Variants in CRMP1 observed in about 807,000 individuals in gnomAD.
CRMP1 encodes collapsin response mediator protein 1.
CRMP1 carries 19 observed loss-of-function variants against 68.3 expected under a neutral mutation model. That is an observed-to-expected ratio of 0.28 (90% CI 0.19 to 0.41). CRMP1 has a LOEUF of 0.41. Ranked by LOEUF, CRMP1 falls within the 10% of genes least tolerant of loss-of-function variation. CRMP1 has a pLI of 1.00. For synonymous variants in CRMP1, 439 were observed against 399.6 expected, an observed-to-expected ratio of 1.10 and a Z score of -1.18; for missense variants, 791 against 967.4, an observed-to-expected ratio of 0.82 and a Z score of 2.42.
intron 13 of CRMP1, chr4:5,824,159 G>A (rs1262488762): frequency 1.1e-5 from 3 of 270,706 alleles, no homozygotes; most frequent in Non-Finnish European, 1.7e-5. Context: ...ATTGTGCAGT[G>A]TTTAATTGCA....
At chr4:5,822,164 G>A (rs1349135013) in intron 13 of CRMP1, among the ~76,000 whole-genome samples, 1 of 152,232 alleles carries the variant, frequency 6.6e-6, no homozygotes, top group Non-Finnish European at 1.5e-5. Context: ...GTGTGCAGGC[G>A]CACATTTGGT....
At position 5,868,253 on chromosome 4, in the gene CRMP1, C is replaced by CTATATATCTA. The variant is rs1224248039; in HGVS notation, c.382-1507_382-1498dup. Among the ~76,000 whole-genome samples the CTATATATCTA allele has an allele frequency of 1.4e-4, 12 of 83,152 alleles. 1 individual carries two copies. The highest frequency in any genetic ancestry group is 8.5e-4 in the Admixed American group (5 of 5,864). The allele number at this position is 83,152 out of a possible 152,430, so 54.6% of individuals were successfully genotyped here. On this transcript the variant is annotated intron_variant, in intron 1 of 13. Transcript: ENST00000324989. ...CCAACTTGCCGCACATTCTTCATGA[C>CTATATATCTA]TATATATCTATATATATATATATAT...
intron 9 of CRMP1, among the ~76,000 whole-genome samples, chr4:5,837,989 A>G (rs1327692538): frequency 6.6e-6 from 1 of 152,164 alleles, no homozygotes. Context: ...AATGGGGCAC[A>G]TGGGCGCTGT....
rs956146432 is a variant in CRMP1, at chr4:5,877,225, T to C, written c.382-10469A>G. On this transcript the variant is annotated intron_variant, in intron 1 of 13. Coordinates refer to ENST00000324989, the MANE Select transcript of CRMP1 (RefSeq NM_001014809.3). This position sits in a 1 kb window ranked among gnomAD's most constrained non-coding sequence, Gnocchi z 4.3. Reference sequence around the variant, plus strand: ...TAAGCATCTACCACCCACAAACCTATTGCCATAAATAAATATTGGTTGCTG... The same window carrying C: ...TAAGCATCTACCACCCACAAACCTACTGCCATAAATAAATATTGGTTGCTG... 1.3e-5 allele frequency among the ~76,000 whole-genome samples: 2 copies of C among 152,188 alleles called. No individual in the cohort carries two copies. Among genetic ancestry groups the C allele is most frequent in the African/African-American group, 4.8e-5 (2 of 41,420 alleles).
rs370105308 is a variant in CRMP1, at chr4:5,866,651, C to T, written c.470+17G>A. On this transcript the variant is annotated intron_variant, in intron 2 of 13. Transcript: ENST00000324989. The surrounding 1 kb of genome is among the most constrained non-coding windows in gnomAD (Gnocchi z 5.9). ...GGCGACACAGGTTTCTTAAAAGGTCCGTTTTGATCAACCCACTTGATAAGT... is the reference window on the plus strand; with the variant it reads ...GGCGACACAGGTTTCTTAAAAGGTCTGTTTTGATCAACCCACTTGATAAGT... 101 of 1,599,000 alleles carry T rather than the reference C, an allele frequency of 6.3e-5. No homozygotes were observed. Among genetic ancestry groups the T allele is most frequent in the Non-Finnish European group, 7.5e-5 (88 of 1,170,770 alleles).
rs1245781331 is a variant in CRMP1, at chr4:5,859,142, A to C, written c.655+1884T>G. 1.3e-5 allele frequency among the ~76,000 whole-genome samples: 2 copies of C among 152,208 alleles called. No individual in the cohort carries two copies. The highest frequency in any genetic ancestry group is 6.5e-5 in the Admixed American group (1 of 15,294). On this transcript the variant is annotated intron_variant, in intron 3 of 13. Coordinates refer to ENST00000324989, the MANE Select transcript of CRMP1 (RefSeq NM_001014809.3). This position sits in a 1 kb window ranked among gnomAD's most constrained non-coding sequence, Gnocchi z 5.2. Reference sequence around the variant, plus strand: ...GGCAGTCCCCTTGACAACGAGCATCATTCCTGCTTTTGTTCACCTGGTACA... The same window carrying C: ...GGCAGTCCCCTTGACAACGAGCATCCTTCCTGCTTTTGTTCACCTGGTACA...
rs1715963215 is a variant in CRMP1, at chr4:5,891,797, G to A, written c.381+792C>T. 6.6e-6 allele frequency among the ~76,000 whole-genome samples: 1 copy of A among 152,194 alleles called. No individual in the cohort carries two copies. The highest frequency in any genetic ancestry group is 2.4e-5 in the African/African-American group (1 of 41,448). ...TTTCCTGGTGACCCCCAGCTCAAGA[G>A]AGAATACCCGCAGGGCCCAAGCCCT... On this transcript the variant is annotated intron_variant, in intron 1 of 13. Transcript: ENST00000324989. This position sits in a 1 kb window ranked among gnomAD's most constrained non-coding sequence, Gnocchi z 5.2.
At chr4:5,844,726 G>A (rs1712052728) in intron 6 of CRMP1, among the ~76,000 whole-genome samples, 1 of 152,222 alleles carries the variant, frequency 6.6e-6, no homozygotes, top group Non-Finnish European at 1.5e-5. Context: ...AGGAGCTGGG[G>A]GCTGCAGGCT....
In CRMP1 at chr4:5,855,818, A is replaced by C. The variant is rs564627983; in HGVS notation, c.820+325T>G. Among the ~76,000 whole-genome samples the C allele has an allele frequency of 6.6e-6, 1 of 152,348 alleles. No individual in the cohort carries two copies. Among genetic ancestry groups the C allele is most frequent in the African/African-American group, 2.4e-5 (1 of 41,580 alleles). The stretch of plus-strand genomic sequence containing the variant: ...TCCACATGAGCAAGGGCCTCACAGC[A>C]TAGCCAGTTTCAGGGATGGCAGCCA... On this transcript the variant is annotated intron_variant, in intron 4 of 13. Transcript: ENST00000324989. This position sits in a 1 kb window ranked among gnomAD's most constrained non-coding sequence, Gnocchi z 4.9.
intron 6 of CRMP1, among the ~76,000 whole-genome samples, chr4:5,845,679 T>C (rs1166838929): frequency 6.6e-6 from 1 of 152,354 alleles, no homozygotes; most frequent in African/African-American, 2.4e-5. Flanking sequence ...CTGAAGTAAT[T>C]TGTTATGCAA....
rs1277303436 is a variant in CRMP1 at position 5,856,125 on chromosome 4, T to C, written c.820+18A>G. On this transcript the variant is annotated intron_variant, in intron 4 of 13. Transcript: ENST00000324989. ...AACAAGGGATTCCCCAAAACCCCGTTCCGAGGCTTTAACTGACCTTTGTCC... is the reference window on the plus strand; with the variant it reads ...AACAAGGGATTCCCCAAAACCCCGTCCCGAGGCTTTAACTGACCTTTGTCC... 6.2e-7 allele frequency: 1 copy of C among 1,612,650 alleles called. No individual in the cohort carries two copies. Among genetic ancestry groups the C allele is most frequent in the African/African-American group, 1.3e-5 (1 of 74,852 alleles).
intron 1 of CRMP1, among the ~76,000 whole-genome samples, chr4:5,882,808 A>G (rs1489468851): frequency 6.6e-6 from 1 of 152,246 alleles, no homozygotes; most frequent in African/African-American, 2.4e-5. Flanking sequence ...AGAGTGGCCT[A>G]GAACTTGGAA....
intron 12 of CRMP1, among the ~76,000 whole-genome samples, chr4:5,827,850 C>T (rs79096920): frequency 6.6e-6 from 1 of 152,236 alleles, no homozygotes; most frequent in African/African-American, 2.4e-5. Flanking sequence ...TGGCCACGGG[C>T]GGGAGTCTCT....
At chr4:5,869,986 C>A (rs1030591658) in intron 1 of CRMP1, among the ~76,000 whole-genome samples, 7 of 152,190 alleles carry the variant, frequency 4.6e-5, no homozygotes, top group Admixed American at 2.0e-4. Context: ...TGGCATCAGC[C>A]ACAATGGCCC....
At chr4:5,862,263 G>C (rs28417280) in intron 2 of CRMP1, among the ~76,000 whole-genome samples, 2 of 147,298 alleles carry the variant, frequency 1.4e-5, no homozygotes, top group Non-Finnish European at 2.9e-5. Context: ...TATACTAACC[G>C]ATCCCTTACC....
intron 11 of CRMP1, among the ~76,000 whole-genome samples, chr4:5,831,573 C>T (rs967521721): frequency 2.6e-5 from 4 of 152,014 alleles, no homozygotes; most frequent in South Asian, 2.1e-4. Flanking sequence ...ATTGTGAATG[C>T]GGAGGGGCGG....
chr4:5,829,084 T>G (rs544748293), intron 11 of CRMP1, among the ~76,000 whole-genome samples: 1 of 152,328 alleles, frequency 6.6e-6, no homozygotes, highest in East Asian at 1.9e-4. Flanking sequence ...TAGAGCTGTT[T>G]TAAAGCACGT....
At chr4:5,836,946 C>G in intron 9 of CRMP1, 40 bp from the exon 10 acceptor site, 1 of 1,558,338 alleles carries the variant, frequency 6.4e-7, no homozygotes. Context: ...GACCCTAGTT[C>G]ATTTTGAAGG....
chr4:5,865,645 G>A lies in CRMP1; in HGVS notation c.470+1023C>T, dbSNP rs1038325232. On this transcript the variant is annotated intron_variant, in intron 2 of 13. Transcript: ENST00000324989. The surrounding 1 kb of genome is among the most constrained non-coding windows in gnomAD (Gnocchi z 4.1). Reference sequence around the variant, plus strand: ...AAAAAAAAAAAAAAAAAAGAAGGCCGCCGCCTACAGACCCCTGCCTGGCGT... The same window carrying A: ...AAAAAAAAAAAAAAAAAAGAAGGCCACCGCCTACAGACCCCTGCCTGGCGT... Among the ~76,000 whole-genome samples, 3 of 149,742 alleles carry A rather than the reference G, an allele frequency of 2.0e-5. No individual in the cohort carries two copies. Among genetic ancestry groups the A allele is most frequent in the African/African-American group, 4.9e-5 (2 of 40,588 alleles).
Sources: allele counts gnomAD v4.1 joint callset (sites outside exome capture counted in the v4.1 genomes callset), GRCh38; gene constraint gnomAD v4.1.1; non-coding constraint Gnocchi (gnomAD v3.1); transcripts MANE v1.5; gene names NCBI Gene and HGNC (gene_info 2026-07-23, HGNC 2026-07-21).